The following FAT4 variants were observed in gnomAD, a reference collection of about 807,000 sequenced individuals.
FAT4 encodes the protein protocadherin Fat 4.
Under a neutral mutation model 303.9 loss-of-function variants are expected in FAT4, and 84 were observed. The observed-to-expected ratio is 0.28, with a 90% confidence interval of 0.23 to 0.33. FAT4 has a LOEUF of 0.33. Ranked by LOEUF, FAT4 falls within the 10% of genes least tolerant of loss-of-function variation. The pLI, the probability that FAT4 is intolerant of heterozygous loss-of-function variation, is 1.00. For synonymous variants in FAT4, 2,307 were observed against 2,298.8 expected (o/e 1.00, Z -0.10); for missense variants, 6,005 against 6,146.8 (o/e 0.98, Z 0.77).
At chr4:125,409,775 T>C (rs554873681) in intron 5 of FAT4, among the ~76,000 whole-genome samples, 66 of 152,184 alleles carry the variant, frequency 4.3e-4, no homozygotes, top group Non-Finnish European at 6.8e-4. Flanking sequence ...TCATATAATA[T>C]AGCATTAGAG....
chr4:125,490,055 T>A lies in FAT4; in HGVS notation c.13239T>A (p.Gly4413=), dbSNP rs747484881. Residue 4413 remains glycine (G), a synonymous_variant, in exon 18 of 18, where the codon GGT becomes GGA. Transcript: ENST00000394329. ...TTTGTGCCAGCAACCCCTGCTGGGG[T>A]GATTTGCTGTGCATTAATCAGTGGT... The part of the protein sequence containing the change: ...PNICASNPCW[G]DLLCINQWYA... 9.9e-6 allele frequency: 16 copies of A among 1,613,948 alleles called. No individual in the cohort carries two copies. In the South Asian group the frequency reaches 1.8e-4, roughly 18 times the overall value.
chr4:125,453,449 C>G (rs2126063136), intron 10 of FAT4, among the ~76,000 whole-genome samples: 1 of 152,256 alleles, frequency 6.6e-6, no homozygotes. Flanking sequence ...TGGCTCATGC[C>G]TGTAATCCCA....
intron 6 of FAT4, among the ~76,000 whole-genome samples, chr4:125,416,219 A>T (rs1182777105): frequency 6.6e-6 from 1 of 152,220 alleles, no homozygotes; most frequent in African/African-American, 2.4e-5. Flanking sequence ...AAAAATTTTT[A>T]TGAAGCCTTC....
rs773803434 is a variant in FAT4 at position 125,451,735 on chromosome 4, CAGAG to C, written c.10728_10731del (p.Arg3576SerfsTer31). ...TTCTGAGCACAACCAGAGAGATTGA[CAGAG>C]AGCAGATTGCAGACTTCTATCTGTC... On this transcript the variant is annotated frameshift_variant, in exon 10 of 18. Coordinates refer to ENST00000394329, the MANE Select transcript of FAT4 (RefSeq NM_001291303.3). LOFTEE classifies it high-confidence loss of function. 2 of 1,614,176 alleles carry C rather than the reference CAGAG, an allele frequency of 1.2e-6. No individual in the cohort carries two copies. Among genetic ancestry groups the C allele is most frequent in the Non-Finnish European group, 8.5e-7 (1 of 1,180,030 alleles).
intron 7 of FAT4, among the ~76,000 whole-genome samples, chr4:125,431,676 T>G (rs1725288195): frequency 1.3e-5 from 2 of 152,132 alleles, no homozygotes; most frequent in Non-Finnish European, 2.9e-5. Flanking sequence ...ATTTTATGGA[T>G]GAAGATTGAT....
intron 2 of FAT4, among the ~76,000 whole-genome samples, chr4:125,359,293 G>T (rs1284760588): frequency 6.6e-6 from 1 of 152,186 alleles, no homozygotes; most frequent in Admixed American, 6.5e-5. Context: ...TCTTACTCTG[G>T]AATTAGGTGG....
chr4:125,372,596 T>TA (rs1004832612), intron 2 of FAT4, among the ~76,000 whole-genome samples: 1 of 151,822 alleles, frequency 6.6e-6, no homozygotes, highest in Non-Finnish European at 1.5e-5. Context: ...GAAGCTGGCT[T>TA]AAAAAAAAGG....
In FAT4 at chr4:125,490,981, A is replaced by T. The variant is rs1337659830; in HGVS notation, c.14165A>T (p.Glu4722Val). The change falls in exon 18 of 18, where the codon GAA becomes GTA. Residue 4722 changes from glutamate to valine, a missense_variant. Glu to Val is a moderately radical substitution (Grantham distance 121). Transcript: ENST00000394329. ...STFYRNSPAR[E>V]LHLPIRDGNT... is the part of the protein sequence containing the mutation. Reference sequence around the variant, plus strand: ...TTCTATAGAAACAGCCCAGCAAGGGAATTGCATCTTCCTATAAGGGATGGT... The same window carrying T: ...TTCTATAGAAACAGCCCAGCAAGGGTATTGCATCTTCCTATAAGGGATGGT... The T allele has an allele frequency of 1.2e-6, 2 of 1,614,096 alleles. No individual in the cohort carries two copies. The highest frequency in any genetic ancestry group is 1.7e-6 in the Non-Finnish European group (2 of 1,180,048).
At chr4:125,426,469 C>T (rs1388311257) in intron 7 of FAT4, among the ~76,000 whole-genome samples, 1 of 151,850 alleles carries the variant, frequency 6.6e-6, no homozygotes, top group East Asian at 1.9e-4. Context: ...ATCTTGTTTC[C>T]AAAGTTGATA....
At chr4:125,460,254 T>C (rs1343630305) in intron 10 of FAT4, among the ~76,000 whole-genome samples, 2 of 152,054 alleles carry the variant, frequency 1.3e-5, no homozygotes, top group Non-Finnish European at 2.9e-5. Flanking sequence ...AATTCCTTTA[T>C]TTAACCCCAA....
At chr4:125,447,815 T>G (rs921612416) in intron 9 of FAT4, among the ~76,000 whole-genome samples, 4 of 152,098 alleles carry the variant, frequency 2.6e-5, no homozygotes, top group African/African-American at 9.7e-5. Context: ...TATCCCTCAA[T>G]TCTTATTTCT....
chr4:125,446,057 C>A, intron 8 of FAT4: 1 of 367,000 alleles, frequency 2.7e-6, no homozygotes. Flanking sequence ...GTCCTAAAAA[C>A]CTTGTGAAGA....
At position 125,320,641 on chromosome 4, in the gene FAT4, G is replaced by T; in HGVS notation, c.4230G>T (p.Val1410=). Residue 1410 remains valine (V), a synonymous_variant, in exon 2 of 18, where the codon GTG becomes GTT. Transcript: ENST00000394329. ...CTACAATGTCAGTGGTTATTCACGTGAGGGACTTTAATGACAATCCTCCTA... is the reference window on the plus strand; with the variant it reads ...CTACAATGTCAGTGGTTATTCACGTTAGGGACTTTAATGACAATCCTCCTA... ...RSSTMSVVIH[V]RDFNDNPPSF... is the part of the protein sequence containing the mutation. 2 of 1,614,092 alleles carry T rather than the reference G, an allele frequency of 1.2e-6. No homozygotes were observed. Among genetic ancestry groups the T allele is most frequent in the Non-Finnish European group, 1.7e-6 (2 of 1,179,946 alleles).
At chr4:125,392,582 A>G (rs749072197) in intron 2 of FAT4, among the ~76,000 whole-genome samples, 18 of 152,176 alleles carry the variant, frequency 1.2e-4, no homozygotes, top group Non-Finnish European at 2.4e-4. Flanking sequence ...GAATTTAACT[A>G]TAGTTTCTTT....
intron 12 of FAT4, 119 bp from the exon 13 acceptor site, chr4:125,476,052 A>T (rs1727017800): frequency 4.0e-6 from 2 of 495,616 alleles, no homozygotes; most frequent in East Asian, 3.1e-5. Flanking sequence ...TTAAATCAAG[A>T]TGTTATCATA....
intron 7 of FAT4, among the ~76,000 whole-genome samples, chr4:125,419,728 G>A (rs1735213216): frequency 6.6e-6 from 1 of 152,094 alleles, no homozygotes; most frequent in Admixed American, 6.6e-5. Context: ...AGCCAGAGTC[G>A]TGCACTGGCC....
At chr4:125,432,281 C>T (rs1725308482) in intron 7 of FAT4, among the ~76,000 whole-genome samples, 1 of 152,202 alleles carries the variant, frequency 6.6e-6, no homozygotes. Flanking sequence ...ATCTCAGTGA[C>T]ATTCCTCACT....
rs116544167 is a variant in FAT4, at chr4:125,473,715, G to A, written c.12214-2456G>A. On this transcript the variant is annotated intron_variant, in intron 12 of 17. Transcript: ENST00000394329. ...ACGATTTTACCTGATGACCTCCAAG[G>A]TCTCTTTAAACTTCATGAGCATTTG... Among the ~76,000 whole-genome samples, 1,012 of 152,038 alleles carry A rather than the reference G, an allele frequency of 6.7e-3. 9 individuals are homozygous for A. Among genetic ancestry groups the A allele is most frequent in the African/African-American group, 0.023 (936 of 41,506 alleles).
intron 2 of FAT4, among the ~76,000 whole-genome samples, chr4:125,390,332 T>G (rs1341763393): frequency 6.6e-6 from 1 of 152,180 alleles, no homozygotes; most frequent in Non-Finnish European, 1.5e-5. Flanking sequence ...CACTGCATTG[T>G]GGGCAAACTC....
Sources: allele counts gnomAD v4.1 joint callset (sites outside exome capture counted in the v4.1 genomes callset), GRCh38; gene constraint gnomAD v4.1.1; transcripts MANE v1.5; gene names NCBI Gene and HGNC (gene_info 2026-07-23, HGNC 2026-07-21).